The following MRPS22 variants were observed in gnomAD, a reference collection of about 807,000 sequenced individuals.
MRPS22 encodes small ribosomal subunit protein mS22.
In MRPS22, 30 loss-of-function variants were observed where a neutral mutation model predicts 44.0. The observed-to-expected ratio is 0.68, with a 90% CI of 0.51 to 0.93. The LOEUF is 0.93. MRPS22 is among the 40% of genes least tolerant of loss of function. The probability of loss-of-function intolerance (pLI) is 0.00; values close to 1 mark genes in which losing one functional copy is unlikely to be tolerated. For missense variants in MRPS22, 447 were observed against 447.8 expected (o/e 1.00, Z 0.02); for synonymous variants, 165 against 154.4 (o/e 1.07, Z -0.51).
At chr3:139,345,450 G>GTTTTTTTTTTTT (rs78050187) in intron 1 of MRPS22, among the ~76,000 whole-genome samples, 1 of 106,514 alleles carries the variant, frequency 9.4e-6, no homozygotes, top group Non-Finnish European at 1.9e-5. Context: ...TTTTTTTTTT[G>GTTTTTTTTTTTT]TTTTTTTTTT....
intron 5 of MRPS22, chr3:139,352,257 T>C: frequency 4.6e-6 from 1 of 218,916 alleles, no homozygotes; most frequent in Non-Finnish European, 9.2e-6. Context: ...AGACTTGCTG[T>C]CATTTAGACA....
At chr3:139,348,139 A>G in intron 2 of MRPS22, 21 bp from the exon 3 acceptor site, 7 of 1,613,194 alleles carry the variant, frequency 4.3e-6, no homozygotes, top group Non-Finnish European at 5.9e-6. Flanking sequence ...GCTTTCCTTA[A>G]TAAATATTTT....
intron 2 of MRPS22, 56 bp from the exon 3 acceptor site, chr3:139,348,103 TG>T: frequency 6.4e-7 from 1 of 1,565,626 alleles, no homozygotes; most frequent in Non-Finnish European, 8.8e-7. Context: ...TTTTGTCAGA[TG>T]ATCCTTATAT....
chr3:139,352,886 T>C, intron 6 of MRPS22, 94 bp downstream of exon 6: 1 of 1,289,786 alleles, frequency 7.8e-7, no homozygotes, highest in Non-Finnish European at 1.1e-6. Context: ...GATAACAGTG[T>C]ACTGTCTAGT....
intron 2 of MRPS22, 78 bp downstream of exon 2, chr3:139,347,122 C>T: frequency 6.8e-7 from 1 of 1,473,072 alleles, no homozygotes; most frequent in Non-Finnish European, 9.5e-7. Context: ...CCTCCAGATG[C>T]TTATAGCTAT....
chr3:139,355,050 T>C (rs1941218065), intron 6 of MRPS22, among the ~76,000 whole-genome samples: 1 of 152,246 alleles, frequency 6.6e-6, no homozygotes, highest in African/African-American at 2.4e-5. Context: ...TGTGTGATGC[T>C]GAAGTTAAGA....
chr3:139,350,943 C>T, intron 4 of MRPS22, 34 bp from the exon 5 acceptor site: 1 of 1,570,040 alleles, frequency 6.4e-7, no homozygotes, highest in Non-Finnish European at 8.8e-7. Flanking sequence ...CTTCAGTGTT[C>T]TCATGTGATG....
In MRPS22 at chr3:139,351,026, C is replaced by T. The variant is rs1941142023; in HGVS notation, c.698C>T (p.Ala233Val). The change falls in exon 5 of 8, where the codon GCC becomes GTC. Residue 233 changes from alanine (A) to valine (V), a missense_variant. Transcript: ENST00000680020. ...RHVDVLNLCF[A>V]QFEPDSTEYI... ...GTTGATGTCCTCAATCTCTGCTTTG[C>T]CCAGTTTGAGCCAGATTCCACAGAG... 2 of 1,614,034 alleles carry T rather than the reference C, an allele frequency of 1.2e-6. No individual in the cohort carries two copies. The highest frequency in any genetic ancestry group is 1.6e-4 in the Middle Eastern group (1 of 6,062).
intron 4 of MRPS22, 37 bp from the exon 5 acceptor site, chr3:139,350,940 G>A (rs1406306055): frequency 1.3e-6 from 2 of 1,561,812 alleles, no homozygotes; most frequent in East Asian, 2.2e-5. Flanking sequence ...GAACTTCAGT[G>A]TTCTCATGTG....
rs756840278 is a variant in MRPS22 at position 139,350,215 on chromosome 3, C to T, written c.541C>T (p.Leu181=). The T allele has an allele frequency of 1.2e-6, 2 of 1,614,108 alleles. No individual in the cohort carries two copies. The highest frequency in any genetic ancestry group is 2.2e-5 in the South Asian group (2 of 91,078). The change falls in exon 4 of 8, where the codon CTA becomes TTA. Residue 181 remains leucine (L), a synonymous_variant. Coordinates refer to ENST00000680020, the MANE Select transcript of MRPS22 (RefSeq NM_020191.4). The part of the protein sequence containing the change: ...FIVVREPSGT[L]RKASWEERDR... ...TGTCGTCAGAGAACCAAGTGGCACA[C>T]TACGCAAAGCCTCTTGGGAAGAACG...
At chr3:139,347,396 A>T (rs530550428) in intron 2 of MRPS22, among the ~76,000 whole-genome samples, 1 of 152,186 alleles carries the variant, frequency 6.6e-6, no homozygotes, top group Admixed American at 6.5e-5. Flanking sequence ...AGATTGTGAG[A>T]TCCTGCATGG....
At position 139,350,328 on chromosome 3, in the gene MRPS22, G is replaced by C. The variant is rs746955422; in HGVS notation, c.648+6G>C. On this transcript the variant is annotated splice_donor_region_variant and intron_variant, in intron 4 of 7. Transcript: ENST00000680020. ...TCAAGGAAGAAAATCTTAGGGTAAG[G>C]TGACTTAGGTTTTATGTTTTAGAGC... 6.2e-7 allele frequency: 1 copy of C among 1,613,752 alleles called. No individual in the cohort carries two copies. Among genetic ancestry groups the C allele is most frequent in the Non-Finnish European group, 8.5e-7 (1 of 1,179,970 alleles).
intron 5 of MRPS22, 184 bp from the exon 6 acceptor site, chr3:139,352,463 C>T (rs1941169294): frequency 1.8e-6 from 1 of 557,292 alleles, no homozygotes; most frequent in South Asian, 2.0e-5. Flanking sequence ...ATCCTCCTTC[C>T]CACCTAAGGT....
rs766000090 is a variant in MRPS22, at chr3:139,344,054, C to T, written c.28C>T (p.Leu10=). 1.2e-6 allele frequency: 2 copies of T among 1,614,196 alleles called. No homozygotes were observed. Among genetic ancestry groups the T allele is most frequent in the Admixed American group, 3.3e-5 (2 of 60,022 alleles). The change falls in exon 1 of 8, where the codon CTG becomes TTG. Residue 10 remains leucine (L), a synonymous_variant. Coordinates refer to ENST00000680020, the MANE Select transcript of MRPS22 (RefSeq NM_020191.4). ...GGCGCCCCTCGGAACAACTGTATTG[C>T]TGTGGAGCCTCTTGAGGAGTTCTCC... The part of the protein sequence containing the change: MAPLGTTVL[L]WSLLRSSPGV...
At chr3:139,347,076 C>G (rs574531595) in intron 2 of MRPS22, 32 bp downstream of exon 2, 1 of 1,612,470 alleles carries the variant, frequency 6.2e-7, no homozygotes, top group African/African-American at 1.3e-5. Flanking sequence ...GTTAGAATAC[C>G]TTTCTTTAAG....
At chr3:139,345,349 T>C (rs1273734741) in intron 1 of MRPS22, among the ~76,000 whole-genome samples, 5 of 151,382 alleles carry the variant, frequency 3.3e-5, no homozygotes, top group Non-Finnish European at 7.4e-5. Context: ...GAGATGAGGA[T>C]AGCCTTGACT....
chr3:139,349,147 TAC>T, intron 3 of MRPS22: 1 of 336,282 alleles, frequency 3.0e-6, no homozygotes, highest in East Asian at 7.9e-5. Context: ...CAATTTTAAT[TAC>T]AGTTTTTGTT....
Position 139,356,931 on chromosome 3 carries a change from A to T in MRPS22, c.1000A>T (p.Thr334Ser). 6.2e-7 allele frequency: 1 copy of T among 1,612,504 alleles called. No homozygotes were observed. The highest frequency in any genetic ancestry group is 8.5e-7 in the Non-Finnish European group (1 of 1,179,070). ...TTAATTTAAACAGGTCTTTGCAAAA[A>T]CAGAAGCACAGAAGGGAGCCTATAT... ...GINLIKVFAK[T>S]EAQKGAYIEL... is the part of the protein sequence containing the mutation. The change falls in exon 8 of 8, where the codon ACA becomes TCA. Residue 334 changes from threonine (T) to serine (S), a missense_variant. Physicochemically the swap from Thr to Ser is moderately conservative, Grantham distance 58 (BLOSUM62 1). Coordinates refer to ENST00000680020, the MANE Select transcript of MRPS22 (RefSeq NM_020191.4).
At chr3:139,355,961 AACAG>A (rs1187374923) in intron 7 of MRPS22, among the ~76,000 whole-genome samples, 171 bp downstream of exon 7, 2 of 152,176 alleles carry the variant, frequency 1.3e-5, no homozygotes, top group African/African-American at 4.8e-5. Flanking sequence ...GGACAATAGA[AACAG>A]ACAGGGGAGG....
Sources: gnomAD v4.1 joint callset for allele counts (sites outside exome capture counted in the v4.1 genomes callset) on GRCh38, gnomAD v4.1.1 for gene constraint, MANE v1.5 for transcripts, NCBI Gene and HGNC (gene_info 2026-07-23, HGNC 2026-07-21) for gene names.